The following ZC3H3 variants were observed in gnomAD, a reference collection of about 807,000 sequenced individuals.
ZC3H3 encodes the protein zinc finger CCCH-type containing 3.
A neutral mutation model predicts 77.3 loss-of-function variants in ZC3H3; 36 were observed. That is an observed-to-expected ratio of 0.47 (90% confidence interval 0.36 to 0.61). The LOEUF is 0.61. Among genes scored for constraint, ZC3H3 ranks in the 20% least tolerant of loss-of-function variants. ZC3H3 has a pLI of 0.00. For synonymous variants in ZC3H3, 626 were observed against 555.2 expected (o/e 1.13, Z -1.79); for missense variants, 1,331 against 1,312.2 (o/e 1.01, Z -0.22).
At chr8:143,496,802 C>T (rs1461479536) in intron 4 of ZC3H3, among the ~76,000 whole-genome samples, 1 of 152,272 alleles carries the variant, frequency 6.6e-6, no homozygotes, top group Non-Finnish European at 1.5e-5. Flanking sequence ...CTGCACCAGG[C>T]AGCCTGAGGC....
rs771104198 is a variant in ZC3H3, at chr8:143,438,107, G to C, written c.2816-20C>G. The C allele has an allele frequency of 1.2e-6, 2 of 1,605,534 alleles. No individual in the cohort carries two copies. The highest frequency in any genetic ancestry group is 3.4e-5 in the Admixed American group (2 of 58,630). ...GCTTCCCTATGCAAAGAGGGCAAAA[G>C]TTAGGTGCCCGGAAACCCCTGGAAG... is the stretch of plus-strand genomic sequence containing the variant. On this transcript the variant is annotated intron_variant, in intron 11 of 11. Coordinates refer to ENST00000262577, the MANE Select transcript of ZC3H3 (RefSeq NM_015117.3).
chr8:143,517,835 C>A (rs1822109768), intron 3 of ZC3H3, among the ~76,000 whole-genome samples: 1 of 152,234 alleles, frequency 6.6e-6, no homozygotes, highest in Non-Finnish European at 1.5e-5. Flanking sequence ...CCCGAATCTC[C>A]AGGCCCACCT....
At chr8:143,485,884 G>A (rs926947537) in intron 4 of ZC3H3, among the ~76,000 whole-genome samples, 1 of 152,264 alleles carries the variant, frequency 6.6e-6, no homozygotes, top group Non-Finnish European at 1.5e-5. Flanking sequence ...CCAGCGGGAT[G>A]GGCGTGAGGC....
intron 3 of ZC3H3, among the ~76,000 whole-genome samples, chr8:143,523,784 G>A (rs964601103): frequency 1.3e-5 from 2 of 152,220 alleles, no homozygotes; most frequent in Non-Finnish European, 2.9e-5. Context: ...GCCTCCCACC[G>A]CTGACCTGCT....
intron 4 of ZC3H3, among the ~76,000 whole-genome samples, chr8:143,479,503 C>T (rs1213097031): frequency 2.0e-5 from 3 of 152,164 alleles, no homozygotes; most frequent in Admixed American, 6.5e-5. Context: ...GGCAGGCCCA[C>T]GCTGCCAGGA....
At chr8:143,525,648 C>G (rs578093512) in intron 3 of ZC3H3, among the ~76,000 whole-genome samples, 1 of 152,232 alleles carries the variant, frequency 6.6e-6, no homozygotes, top group African/African-American at 2.4e-5. Context: ...AGAGGGGGCT[C>G]CAGTCAAGGG....
At chr8:143,463,996 A>G (rs1024989008) in intron 9 of ZC3H3, among the ~76,000 whole-genome samples, 1 of 152,262 alleles carries the variant, frequency 6.6e-6, no homozygotes, top group Admixed American at 6.5e-5. Flanking sequence ...CACTTGATTC[A>G]GTGGAATATT....
At chr8:143,473,299 C>T (rs1316413108) in intron 5 of ZC3H3, among the ~76,000 whole-genome samples, 1 of 152,146 alleles carries the variant, frequency 6.6e-6, no homozygotes, top group African/African-American at 2.4e-5. Context: ...TCAGGATGCT[C>T]TTGCTGCTTC....
In ZC3H3 at chr8:143,467,928, C is replaced by A. The variant is rs1041227997; in HGVS notation, c.2175+281G>T. Among the ~76,000 whole-genome samples, 133 of 152,266 alleles carry A rather than the reference C, an allele frequency of 8.7e-4. 2 individuals are homozygous for A. Among genetic ancestry groups the A allele is most frequent in the African/African-American group, 3.1e-3 (129 of 41,552 alleles). The stretch of plus-strand genomic sequence containing the variant: ...TTCCCCTAGGCATGTGTAAGGGGGG[C>A]CTGGGGATCTGGTGAGGCCTGGTGC... On this transcript the variant is annotated intron_variant, in intron 8 of 11. Transcript: ENST00000262577.
chr8:143,442,159 G>A (rs1322768782), intron 9 of ZC3H3, among the ~76,000 whole-genome samples: 3 of 151,978 alleles, frequency 2.0e-5, no homozygotes, highest in African/African-American at 7.2e-5. Flanking sequence ...TCAGAACCGG[G>A]CCCTACACTG....
chr8:143,460,658 C>A lies in ZC3H3; in HGVS notation c.2307+5059G>T, dbSNP rs929488267. 6.6e-6 allele frequency among the ~76,000 whole-genome samples: 1 copy of A among 152,168 alleles called. No homozygotes were observed. Among genetic ancestry groups the A allele is most frequent in the Non-Finnish European group, 1.5e-5 (1 of 68,034 alleles). ...CACAGTAGCCACATAACCACCAGCA[C>A]ACGAAGGAACTAACAAAACGCAGTG... On this transcript the variant is annotated intron_variant, in intron 9 of 11. Coordinates refer to ENST00000262577, the MANE Select transcript of ZC3H3 (RefSeq NM_015117.3). The surrounding 1 kb of genome is among the most constrained non-coding windows in gnomAD (Gnocchi z 4.0).
intron 4 of ZC3H3, among the ~76,000 whole-genome samples, chr8:143,477,049 G>A (rs1820754355): frequency 6.6e-6 from 1 of 152,138 alleles, no homozygotes; most frequent in Admixed American, 6.5e-5. Flanking sequence ...GGTGGTACTG[G>A]GGATGGAGCA....
rs576068298 is a variant in ZC3H3 at position 143,539,293 on chromosome 8, T to C, written c.74A>G (p.His25Arg). 80 of 1,611,396 alleles carry C rather than the reference T, an allele frequency of 5.0e-5. No homozygotes were observed. In the South Asian group the frequency reaches 8.6e-4, roughly 17 times the overall value. The change falls in exon 2 of 12, where the codon CAC (histidine) becomes CGC (arginine). Residue 25 changes from histidine to arginine, a missense_variant. This residue lies in a region of ZC3H3 where 978 missense variants were observed against 915.5 expected (regional missense o/e 1.07). Coordinates refer to ENST00000262577, the MANE Select transcript of ZC3H3 (RefSeq NM_015117.3). ...QGLIDDYKTLHGNAPAPGTPA... is the reference protein window; with the variant it reads ...QGLIDDYKTLRGNAPAPGTPA... ...GGTACCAGGGGCCGGGGCATTGCCG[T>C]GGAGGGTTTTGTAGTCATCAATCAG...
rs80351785 is a variant in ZC3H3, at chr8:143,538,414, G to A, written c.953C>T (p.Ser318Leu). The A allele has an allele frequency of 0.027, 43,740 of 1,613,214 alleles. 739 individuals are homozygous for A. Among genetic ancestry groups the A allele is most frequent in the Non-Finnish European group, 0.032 (37,557 of 1,180,034 alleles). The change falls in exon 2 of 12, where the codon TCG becomes TTG. Residue 318 changes from serine (S) to leucine (L), a missense_variant. Physicochemically the swap from Ser to Leu is moderately radical, Grantham distance 145 (BLOSUM62 -2). Coordinates refer to ENST00000262577, the MANE Select transcript of ZC3H3 (RefSeq NM_015117.3). The stretch of plus-strand genomic sequence containing the variant: ...CCTCCGAGCAACCCGGGGACTCTTC[G>A]AGGAGGCAGCCACCCATTTGTAGTT... Reference protein sequence around the residue: ...KNNYKWVAASSKSPRVARRAL... With the variant: ...KNNYKWVAASLKSPRVARRAL...
intron 2 of ZC3H3, among the ~76,000 whole-genome samples, chr8:143,537,012 G>C (rs1439484996): frequency 6.6e-6 from 1 of 151,994 alleles, no homozygotes; most frequent in African/African-American, 2.4e-5. Flanking sequence ...TGGGGGACGA[G>C]GGCCAGAGAG....
At chr8:143,441,238 C>A (rs1273652830) in intron 9 of ZC3H3, 118 bp from the exon 10 acceptor site, 11 of 1,109,776 alleles carry the variant, frequency 9.9e-6, no homozygotes, top group Non-Finnish European at 1.2e-5. Context: ...TAGGCTCCGT[C>A]CAAGTCTTGG....
intron 4 of ZC3H3, among the ~76,000 whole-genome samples, chr8:143,499,660 G>A (rs954223347): frequency 2.6e-5 from 4 of 151,824 alleles, no homozygotes; most frequent in African/African-American, 2.4e-5. Flanking sequence ...GCCTCTCCAG[G>A]CTCTTTGTGT....
Position 143,460,680 on chromosome 8 carries a change from A to G in ZC3H3, c.2307+5037T>C, listed in dbSNP as rs1033716531. 6.6e-6 allele frequency among the ~76,000 whole-genome samples: 1 copy of G among 152,236 alleles called. No homozygotes were observed. The highest frequency in any genetic ancestry group is 2.4e-5 in the African/African-American group (1 of 41,456). On this transcript the variant is annotated intron_variant, in intron 9 of 11. Coordinates refer to ENST00000262577, the MANE Select transcript of ZC3H3 (RefSeq NM_015117.3). The surrounding 1 kb of genome is among the most constrained non-coding windows in gnomAD (Gnocchi z 4.0). Reference sequence around the variant, plus strand: ...GCACACGAAGGAACTAACAAAACGCAGTGCACACACAACGGAATGTTACTC... The same window carrying G: ...GCACACGAAGGAACTAACAAAACGCGGTGCACACACAACGGAATGTTACTC...
intron 4 of ZC3H3, among the ~76,000 whole-genome samples, chr8:143,489,079 C>A (rs1821127614): frequency 6.6e-6 from 1 of 152,230 alleles, no homozygotes; most frequent in Non-Finnish European, 1.5e-5. Context: ...AGGCGCTTCT[C>A]TGGGAAGGGC....
Sources: gnomAD v4.1 joint callset for allele counts (sites outside exome capture counted in the v4.1 genomes callset) on GRCh38, gnomAD v4.1.1 for gene constraint, gnomAD v4.1.1 regional missense constraint, Gnocchi (gnomAD v3.1) non-coding constraint, MANE v1.5 for transcripts, NCBI Gene and HGNC (gene_info 2026-07-23, HGNC 2026-07-21) for gene names.